BCL7C: variants seen among roughly 807,000 people sequenced by gnomAD.
BCL7C encodes the protein BAF chromatin remodeling complex subunit BCL7C.
A neutral mutation model predicts 26.2 loss-of-function variants in BCL7C; 8 were observed. That is an observed-to-expected ratio of 0.30 (90% confidence interval 0.18 to 0.55). The LOEUF (loss-of-function observed/expected upper bound fraction) is 0.55. BCL7C is among the 20% of genes least tolerant of loss of function. BCL7C has a pLI of 0.93. For missense variants in BCL7C, 262 were observed against 298.5 expected (o/e 0.88, Z 0.90); for synonymous variants, 90 against 116.5 (o/e 0.77, Z 1.47).
chr16:30,887,159 A>T (rs1596620739), downstream of BCL7C, among the ~76,000 whole-genome samples: 1 of 152,100 alleles, frequency 6.6e-6, no homozygotes, highest in South Asian at 2.1e-4. Context: ...AAATACAAAA[A>T]TTAGCCGGGC....
intron 5 of BCL7C, among the ~76,000 whole-genome samples, chr16:30,870,918 C>T (rs1337022005): frequency 6.6e-6 from 1 of 152,230 alleles, no homozygotes; most frequent in East Asian, 1.9e-4. Context: ...AGTCACTTCA[C>T]TGTCCTAGAA....
chr16:30,881,557 C>T (rs2055044472), intron 5 of BCL7C, among the ~76,000 whole-genome samples: 1 of 152,202 alleles, frequency 6.6e-6, no homozygotes, highest in African/African-American at 2.4e-5. Flanking sequence ...GCTGGCCCAG[C>T]TTCTGCCTGC....
intron 5 of BCL7C, among the ~76,000 whole-genome samples, chr16:30,854,532 T>G (rs753048575): frequency 2.4e-4 from 36 of 152,176 alleles, no homozygotes; most frequent in Non-Finnish European, 4.1e-4. Context: ...GGCATTGACT[T>G]GGCCTCCTTA....
intron 5 of BCL7C, among the ~76,000 whole-genome samples, chr16:30,837,902 C>A (rs946217982): frequency 6.6e-6 from 1 of 152,204 alleles, no homozygotes; most frequent in Non-Finnish European, 1.5e-5. Context: ...GTGAACAATG[C>A]AGGGCCCTAC....
chr16:30,876,853 C>T (rs998124215), intron 5 of BCL7C, among the ~76,000 whole-genome samples: 1 of 152,170 alleles, frequency 6.6e-6, no homozygotes, highest in Non-Finnish European at 1.5e-5. Flanking sequence ...GGGCCAAATC[C>T]AGCAGGGGCT....
intron 5 of BCL7C, chr16:30,875,550 T>G (rs1375579859): frequency 6.6e-6 from 1 of 152,232 alleles, no homozygotes; most frequent in Non-Finnish European, 1.5e-5. Flanking sequence ...AGCACAGCCC[T>G]GAGACAAGGG....
At chr16:30,862,529 G>T (rs1224985679) in intron 5 of BCL7C, among the ~76,000 whole-genome samples, 1 of 150,210 alleles carries the variant, frequency 6.7e-6, no homozygotes, top group African/African-American at 2.5e-5. Context: ...CTACTTTGTA[G>T]TTCCCCCTAC....
chr16:30,837,827 CCAGT>C (rs953066920), intron 5 of BCL7C, among the ~76,000 whole-genome samples: 3 of 152,140 alleles, frequency 2.0e-5, no homozygotes, highest in African/African-American at 7.2e-5. Flanking sequence ...GATCAGGTGG[CCAGT>C]CAGTTGACTG....
chr16:30,888,429 C>T (rs1288673269), intron 5 of BCL7C, among the ~76,000 whole-genome samples: 7 of 152,218 alleles, frequency 4.6e-5, no homozygotes, highest in African/African-American at 1.4e-4. Context: ...CTCCGCCTCC[C>T]GGGTTCAAGC....
At position 30,892,660 on chromosome 16, in the gene BCL7C, C is replaced by T. The variant is rs758429606; in HGVS notation, c.368G>A (p.Arg123His). 12 of 1,613,306 alleles carry T rather than the reference C, an allele frequency of 7.4e-6. No individual in the cohort carries two copies. The highest frequency in any genetic ancestry group is 4.0e-5 in the African/African-American group (3 of 74,918). ...TGGGGGTCCGGCAGGTGACACAGGGCGGCTGGGCTGGGGGGTGCCCCCAGG... is the reference window on the plus strand; with the variant it reads ...TGGGGGTCCGGCAGGTGACACAGGGTGGCTGGGCTGGGGGGTGCCCCCAGG... ...PSPGGTPQPSRPVSPAGPPEG... is the reference protein window; with the variant it reads ...PSPGGTPQPSHPVSPAGPPEG... The change falls in exon 4 of 6, where the codon CGC (arginine) becomes CAC (histidine). Residue 123 changes from arginine (R) to histidine (H), a missense_variant. By Grantham distance (29) the Arg-to-His change is conservative. Coordinates refer to ENST00000215115, the MANE Select transcript of BCL7C (RefSeq NM_004765.4).
At chr16:30,835,005 C>T in exon 6 of BCL7C, 1 of 1,548,754 alleles carries the variant, frequency 6.5e-7, no homozygotes, top group Non-Finnish European at 8.7e-7. Flanking sequence ...TGCTGCCTCC[C>T]CCGGGAGCTC....
In BCL7C at chr16:30,844,809, C is replaced by G. The variant is rs531479415; in HGVS notation, c.529-9661G>C. Reference sequence around the variant, plus strand: ...TAAATGTCACCCTCCAGTACCTGCTCTAAGATAACGGGCTGGACTTCTAAT... The same window carrying G: ...TAAATGTCACCCTCCAGTACCTGCTGTAAGATAACGGGCTGGACTTCTAAT... On this transcript the variant is annotated intron_variant, in intron 5 of 5. Coordinates refer to the BCL7C transcript ENST00000380317. Among the ~76,000 whole-genome samples the G allele has an allele frequency of 7.2e-5, 11 of 152,322 alleles. No homozygotes were observed. In the East Asian group the frequency reaches 2.1e-3, roughly 29 times the overall value.
chr16:30,840,379 G>A (rs565828314), intron 5 of BCL7C, among the ~76,000 whole-genome samples: 1 of 152,066 alleles, frequency 6.6e-6, no homozygotes, highest in East Asian at 1.9e-4. Flanking sequence ...CACCATGCAT[G>A]GCTAATTTTT....
intron 4 of BCL7C, among the ~76,000 whole-genome samples, chr16:30,889,345 A>C (rs2055187474): frequency 6.6e-6 from 1 of 152,142 alleles, no homozygotes; most frequent in African/African-American, 2.4e-5. Flanking sequence ...GAGCGGATGC[A>C]GGTAAAGCAC....
chr16:30,874,613 TCAAAA>T (rs2054919579), intron 5 of BCL7C, among the ~76,000 whole-genome samples: 1 of 151,438 alleles, frequency 6.6e-6, no homozygotes, highest in Non-Finnish European at 1.5e-5. Context: ...TGAGGCGGTC[TCAAAA>T]CAAAACAAAA....
intron 5 of BCL7C, among the ~76,000 whole-genome samples, chr16:30,864,834 C>T (rs1239028607): frequency 7.0e-6 from 1 of 142,700 alleles, no homozygotes; most frequent in Admixed American, 7.2e-5. Context: ...ATATATTCTC[C>T]CCCCCACCCC....
intron 5 of BCL7C, among the ~76,000 whole-genome samples, chr16:30,852,655 C>A (rs1231067027): frequency 1.3e-5 from 2 of 151,850 alleles, no homozygotes; most frequent in Non-Finnish European, 2.9e-5. Context: ...CCAGGCCTGG[C>A]TAATTTTTGT....
chr16:30,850,209 CAAA>C (rs778231654), intron 5 of BCL7C, among the ~76,000 whole-genome samples: 5 of 86,562 alleles, frequency 5.8e-5, no homozygotes, highest in Non-Finnish European at 9.3e-5. Flanking sequence ...GACTCCATCT[CAAA>C]AAAAAAAAAA....
chr16:30,836,281 G>A (rs1004506023), intron 5 of BCL7C, among the ~76,000 whole-genome samples: 4 of 151,728 alleles, frequency 2.6e-5, no homozygotes, highest in Admixed American at 2.0e-4. Context: ...AAAAAGCCCA[G>A]CCATAGCGAG....
Sources: allele counts gnomAD v4.1 joint callset (sites outside exome capture counted in the v4.1 genomes callset), GRCh38; gene constraint gnomAD v4.1.1; transcripts MANE v1.5; gene names NCBI Gene and HGNC (gene_info 2026-07-23, HGNC 2026-07-21).